CFAP299: variants seen among roughly 807,000 people sequenced by gnomAD.
CFAP299 encodes cilia and flagella associated protein 299.
In CFAP299, 21 loss-of-function variants were observed where a neutral mutation model predicts 27.0. The observed-to-expected ratio is 0.78, with a 90% CI of 0.55 to 1.12. The LOEUF (loss-of-function observed/expected upper bound fraction) is 1.12, where lower values mean the gene tolerates loss of function less well. Among genes scored for constraint, CFAP299 ranks in the 50% most tolerant of loss-of-function variants. The pLI, the probability that CFAP299 is intolerant of heterozygous loss-of-function variation, is 0.00. For synonymous variants in CFAP299, 104 were observed against 98.1 expected, an observed-to-expected ratio of 1.06 and a Z score of -0.36; for missense variants, 310 against 276.6, an observed-to-expected ratio of 1.12 and a Z score of -0.86.
At chr4:80,602,557 G>T (rs930188172) in intron 3 of CFAP299, among the ~76,000 whole-genome samples, 2 of 152,086 alleles carry the variant, frequency 1.3e-5, no homozygotes. Context: ...TACCAGAGAA[G>T]AATTCTAGCA....
chr4:80,663,128 T>A (rs372621545), intron 3 of CFAP299, among the ~76,000 whole-genome samples: 4 of 152,120 alleles, frequency 2.6e-5, no homozygotes, highest in African/African-American at 9.7e-5. Context: ...TTTTTAAAAT[T>A]TTTTTATTAT....
At chr4:80,646,988 AGTGTGTGTGTGT>A (rs1187314742) in intron 3 of CFAP299, among the ~76,000 whole-genome samples, 22 of 31,038 alleles carry the variant, frequency 7.1e-4, no homozygotes, top group Non-Finnish European at 9.6e-4. Context: ...AGAGAGAGAG[AGTGTGTGTGTGT>A]GTGTGTGTGT....
At chr4:80,401,271 G>A (rs950907661) in intron 2 of CFAP299, among the ~76,000 whole-genome samples, 5 of 152,156 alleles carry the variant, frequency 3.3e-5, no homozygotes, top group East Asian at 1.9e-4. Flanking sequence ...CCCCAACACC[G>A]TGGGGAAGAT....
At chr4:80,783,955 T>A (rs964586384) in intron 3 of CFAP299, among the ~76,000 whole-genome samples, 1 of 151,200 alleles carries the variant, frequency 6.6e-6, no homozygotes, top group Admixed American at 6.6e-5. Context: ...TATATTCAAC[T>A]TTTTTTATGA....
intron 2 of CFAP299, among the ~76,000 whole-genome samples, chr4:80,562,673 A>AAT (rs1170893596): frequency 6.8e-6 from 1 of 147,570 alleles, no homozygotes; most frequent in African/African-American, 2.5e-5. Context: ...TAATAATAAT[A>AAT]ATAATAATAA....
At chr4:80,387,495 C>T (rs1386136857) in intron 2 of CFAP299, 2 of 817,086 alleles carry the variant, frequency 2.4e-6, no homozygotes, top group Non-Finnish European at 4.2e-6. Context: ...TGGCTGTGGG[C>T]CAGGCCTGGA....
At chr4:80,471,443 G>T (rs1442669532) in intron 2 of CFAP299, among the ~76,000 whole-genome samples, 1 of 151,346 alleles carries the variant, frequency 6.6e-6, no homozygotes, top group African/African-American at 2.4e-5. Flanking sequence ...CCATTTAAAA[G>T]TCTTTGGCAG....
chr4:80,666,399 T>C (rs1404796542), intron 3 of CFAP299, among the ~76,000 whole-genome samples: 1 of 152,144 alleles, frequency 6.6e-6, no homozygotes, highest in African/African-American at 2.4e-5. Context: ...TCCAGAACCA[T>C]ATAATCAGAT....
rs151227589 is a variant in CFAP299, at chr4:80,796,985, T to C, written c.334-73008T>C. Among the ~76,000 whole-genome samples the C allele has an allele frequency of 3.6e-3, 551 of 152,236 alleles. 2 individuals are homozygous for C. The highest frequency in any genetic ancestry group is 0.024 in the Middle Eastern group (7 of 294). The stretch of plus-strand genomic sequence containing the variant: ...CCACAGAATGAGTCCAGGGACCCAC[T>C]GGACCTACTGTAAGTTGGACCTGAG... On this transcript the variant is annotated intron_variant, in intron 3 of 5. Coordinates refer to ENST00000358105, the MANE Select transcript of CFAP299 (RefSeq NM_152770.3).
intron 3 of CFAP299, among the ~76,000 whole-genome samples, chr4:80,755,535 C>T (rs780958652): frequency 3.9e-5 from 6 of 152,020 alleles, no homozygotes; most frequent in Non-Finnish European, 7.4e-5. Context: ...TTAAATTCAC[C>T]CTTTACCCTT....
chr4:80,720,248 A>T (rs558412978), intron 3 of CFAP299, among the ~76,000 whole-genome samples: 43 of 152,326 alleles, frequency 2.8e-4, no homozygotes, highest in South Asian at 8.3e-4. Context: ...ACTTACCTGG[A>T]GCAAGAGAGA....
intron 3 of CFAP299, among the ~76,000 whole-genome samples, chr4:80,709,417 G>A (rs1185579772): frequency 6.6e-6 from 1 of 150,594 alleles, no homozygotes; most frequent in African/African-American, 2.4e-5. Context: ...CAGAAACACA[G>A]TTACAAAGTG....
chr4:80,578,093 C>G (rs1735963374), intron 2 of CFAP299, among the ~76,000 whole-genome samples: 2 of 151,982 alleles, frequency 1.3e-5, no homozygotes, highest in African/African-American at 4.8e-5. Context: ...TAACTTTTAC[C>G]ACATTTTGAA....
chr4:80,688,445 A>G (rs1277174620), intron 3 of CFAP299, among the ~76,000 whole-genome samples: 1 of 151,698 alleles, frequency 6.6e-6, no homozygotes, highest in Non-Finnish European at 1.5e-5. Flanking sequence ...CACCTCACAC[A>G]GCCGGCCGGG....
chr4:80,733,529 G>T (rs1219720716), intron 3 of CFAP299, among the ~76,000 whole-genome samples: 1 of 151,986 alleles, frequency 6.6e-6, no homozygotes, highest in African/African-American at 2.4e-5. Context: ...GTCACATATT[G>T]TGCTATCAAA....
intron 2 of CFAP299, among the ~76,000 whole-genome samples, chr4:80,525,204 T>C (rs1733111216): frequency 6.6e-6 from 1 of 152,124 alleles, no homozygotes; most frequent in South Asian, 2.1e-4. Context: ...CTTTGCCATA[T>C]TGTGTTGGTT....
At chr4:80,822,967 T>C (rs1729786857) in intron 3 of CFAP299, among the ~76,000 whole-genome samples, 1 of 152,188 alleles carries the variant, frequency 6.6e-6, no homozygotes, top group African/African-American at 2.4e-5. Context: ...ACCACTTACG[T>C]GAAGTTTTAG....
intron 3 of CFAP299, among the ~76,000 whole-genome samples, chr4:80,731,774 C>T (rs188271742): frequency 2.1e-3 from 324 of 152,212 alleles, no homozygotes; most frequent in African/African-American, 7.3e-3. Flanking sequence ...ATCAGCTATT[C>T]ATGGTTTTTC....
intron 2 of CFAP299, among the ~76,000 whole-genome samples, chr4:80,402,208 G>A (rs1012226714): frequency 2.0e-5 from 3 of 152,076 alleles, no homozygotes; most frequent in African/African-American, 7.2e-5. Flanking sequence ...AAGACTTTGC[G>A]GGACTGTTAG....
Sources: gnomAD v4.1 joint callset for allele counts (sites outside exome capture counted in the v4.1 genomes callset) on GRCh38, gnomAD v4.1.1 for gene constraint, MANE v1.5 for transcripts, NCBI Gene and HGNC (gene_info 2026-07-23, HGNC 2026-07-21) for gene names.